Variants in CPS1 observed in about 807,000 individuals in gnomAD.
CPS1 encodes carbamoyl-phosphate synthase [ammonia], mitochondrial.
Under a neutral mutation model 174.6 loss-of-function variants are expected in CPS1, and 109 were observed. The ratio of observed to expected loss-of-function variants is 0.62; its 90% CI spans 0.53 to 0.73. The LOEUF is 0.73. Ranked by LOEUF, CPS1 falls within the 30% of genes least tolerant of loss-of-function variation. The pLI is 0.00. For missense variants in CPS1, 1,689 were observed against 1,821.9 expected (o/e 0.93, Z 1.33); for synonymous variants, 637 against 632.0 (o/e 1.01, Z -0.12).
At chr2:210,591,803 C>T in intron 9 of CPS1, 28 bp from the exon 10 acceptor site, 2 of 1,609,098 alleles carry the variant, frequency 1.2e-6, no homozygotes, top group Non-Finnish European at 1.7e-6. Flanking sequence ...TTTCCTTTTC[C>T]CTATTCTTTT....
intron 1 of CPS1, among the ~76,000 whole-genome samples, chr2:210,559,378 G>A (rs1424155597): frequency 1.3e-5 from 2 of 151,984 alleles, no homozygotes; most frequent in South Asian, 2.1e-4. Flanking sequence ...TGACAGAGAC[G>A]GTGGGTTTGA....
At chr2:210,518,810 C>T (rs1479035665) in intron 1 of CPS1, among the ~76,000 whole-genome samples, 1 of 151,930 alleles carries the variant, frequency 6.6e-6, no homozygotes, top group Admixed American at 6.6e-5. Flanking sequence ...TCCTAAATTC[C>T]CGACCAACAT....
intron 2 of CPS1, 107 bp downstream of exon 2, chr2:210,573,514 T>C (rs1697586449): frequency 1.1e-6 from 1 of 891,008 alleles, no homozygotes; most frequent in Admixed American, 1.9e-5. Flanking sequence ...TAAGACTACG[T>C]ATTGTCCTGA....
chr2:210,492,462 T>C (rs1694897833), intron 1 of CPS1, among the ~76,000 whole-genome samples: 1 of 152,208 alleles, frequency 6.6e-6, no homozygotes, highest in African/African-American at 2.4e-5. Context: ...AAAATAACTT[T>C]TAATGTGTTC....
At chr2:210,620,560 C>T (rs1449242727) in intron 21 of CPS1, among the ~76,000 whole-genome samples, 1 of 152,038 alleles carries the variant, frequency 6.6e-6, no homozygotes, top group Non-Finnish European at 1.5e-5. Context: ...GTGGTGCTAG[C>T]ATCTGCTTGG....
chr2:210,573,813 C>T (rs1227509934), intron 2 of CPS1, among the ~76,000 whole-genome samples: 1 of 151,962 alleles, frequency 6.6e-6, no homozygotes, highest in Non-Finnish European at 1.5e-5. Flanking sequence ...ATCAATTTTG[C>T]ACATCTAATA....
At chr2:210,546,822 ACATTTCTCCTTTGATT>A (rs1696576588) in intron 1 of CPS1, among the ~76,000 whole-genome samples, 1 of 151,900 alleles carries the variant, frequency 6.6e-6, no homozygotes, top group Non-Finnish European at 1.5e-5. Context: ...TTATAATCAC[ACATTTCTCCTTTGATT>A]CATTTCTTAT....
At chr2:210,503,850 A>G (rs1695210710) in intron 1 of CPS1, among the ~76,000 whole-genome samples, 1 of 151,630 alleles carries the variant, frequency 6.6e-6, no homozygotes. Context: ...TCTTTACAGC[A>G]CAATTCGGGT....
intron 21 of CPS1, among the ~76,000 whole-genome samples, chr2:210,629,391 T>G (rs1291489385): frequency 6.6e-6 from 1 of 151,952 alleles, no homozygotes; most frequent in Admixed American, 6.5e-5. Context: ...CTCGGCTCAC[T>G]GCAAGGTCCG....
At chr2:210,673,145 C>T (rs1420843254) in intron 34 of CPS1, 1 of 152,184 alleles carries the variant, frequency 6.6e-6, no homozygotes, top group Non-Finnish European at 1.5e-5. Context: ...GTAACTAGCT[C>T]ATGTCATCTG....
In CPS1 at chr2:210,637,785, C is replaced by A; in HGVS notation, c.2771C>A (p.Thr924Asn). 1.2e-6 allele frequency: 2 copies of A among 1,613,992 alleles called. No individual in the cohort carries two copies. Among genetic ancestry groups the A allele is most frequent in the South Asian group, 1.1e-5 (1 of 91,076 alleles). ...DKQISKCLGLTEAQTRELRLK... is the reference protein window; with the variant it reads ...DKQISKCLGLNEAQTRELRLK... ...CAGATTTCAAAATGCCTTGGGCTCACTGAGGCCCAGACAAGGGAGCTGAGG... is the reference window on the plus strand; with the variant it reads ...CAGATTTCAAAATGCCTTGGGCTCAATGAGGCCCAGACAAGGGAGCTGAGG... The change falls in exon 22 of 38, where the codon ACT (threonine) becomes AAT (asparagine). Residue 924 changes from threonine to asparagine, a missense_variant. Coordinates refer to ENST00000233072, the MANE Select transcript of CPS1 (RefSeq NM_001875.5).
chr2:210,617,708 A>T (rs181695139), intron 21 of CPS1: 1 of 152,158 alleles, frequency 6.6e-6, no homozygotes, highest in African/African-American at 2.4e-5. Flanking sequence ...GTTGCTTGTA[A>T]ATCATCCTTT....
intron 28 of CPS1, among the ~76,000 whole-genome samples, chr2:210,652,690 C>G (rs1179170170): frequency 6.6e-6 from 1 of 151,978 alleles, no homozygotes; most frequent in Non-Finnish European, 1.5e-5. Flanking sequence ...TGTGAGGAAT[C>G]CAAGTGGATA....
In CPS1 at chr2:210,599,381, G is replaced by A. The variant is rs910133754; in HGVS notation, c.1369G>A (p.Val457Ile). 2 of 1,612,168 alleles carry A rather than the reference G, an allele frequency of 1.2e-6. No individual in the cohort carries two copies. The highest frequency in any genetic ancestry group is 1.7e-6 in the Non-Finnish European group (2 of 1,178,832). The stretch of plus-strand genomic sequence containing the variant: ...CTTTTGTTTCTTTCAGGAAGAAAAT[G>A]TCAAAACTGTTCTGATGAACCCAAA... ...QAVKAMKEEN[V>I]KTVLMNPNIA... is the part of the protein sequence containing the mutation. Residue 457 changes from valine (V) to isoleucine (I), a missense_variant, in exon 14 of 38, where the codon GTC becomes ATC. Coordinates refer to ENST00000233072, the MANE Select transcript of CPS1 (RefSeq NM_001875.5).
chr2:210,618,593 G>T (rs1047824548), intron 21 of CPS1: 2 of 151,922 alleles, frequency 1.3e-5, no homozygotes, highest in South Asian at 2.1e-4. Context: ...GTTATTTAGC[G>T]GTATTAGATA....
At chr2:210,667,498 G>A (rs1197676569) in intron 33 of CPS1, among the ~76,000 whole-genome samples, 1 of 152,090 alleles carries the variant, frequency 6.6e-6, no homozygotes, top group Non-Finnish European at 1.5e-5. Flanking sequence ...AACCTAAATG[G>A]AACTTCTGTA....
intron 1 of CPS1, among the ~76,000 whole-genome samples, chr2:210,550,063 C>T (rs1191451632): frequency 1.3e-5 from 2 of 151,956 alleles, no homozygotes; most frequent in Non-Finnish European, 2.9e-5. Flanking sequence ...AAACGTGGCT[C>T]ACAGATGAAT....
chr2:210,498,810 T>C (rs1282292084), intron 1 of CPS1, among the ~76,000 whole-genome samples: 1 of 151,128 alleles, frequency 6.6e-6, no homozygotes, highest in Non-Finnish European at 1.5e-5. Context: ...GTAGAGGGCC[T>C]TGCTGGACCA....
rs749502871 is a variant in CPS1, at chr2:210,668,240, A to G, written c.4057A>G (p.Thr1353Ala). Residue 1353 changes from threonine (T) to alanine (A), a missense_variant, in exon 34 of 38, where the codon ACA becomes GCA. Physicochemically the swap from Thr to Ala is moderately conservative, Grantham distance 58. Coordinates refer to ENST00000233072, the MANE Select transcript of CPS1 (RefSeq NM_001875.5). Reference protein sequence around the residue: ...HTAFLKAMLSTGFKIPQKGIL... With the variant: ...HTAFLKAMLSAGFKIPQKGIL... ...AGCCTTCCTAAAGGCAATGCTTTCC[A>G]CAGGATTTAAGATACCCCAGAAAGG... 2 of 1,613,888 alleles carry G rather than the reference A, an allele frequency of 1.2e-6. No homozygotes were observed. The highest frequency in any genetic ancestry group is 1.3e-5 in the African/African-American group (1 of 74,884).
Sources: gnomAD v4.1 joint callset for allele counts (sites outside exome capture counted in the v4.1 genomes callset) on GRCh38, gnomAD v4.1.1 for gene constraint, MANE v1.5 for transcripts, NCBI Gene and HGNC (gene_info 2026-07-23, HGNC 2026-07-21) for gene names.